Variants in OR9G4 observed in about 807,000 individuals in gnomAD.
OR9G4 encodes olfactory receptor family 9 subfamily G member 4.
A neutral mutation model predicts 16.7 loss-of-function variants in OR9G4; 19 were observed. That is an observed-to-expected ratio of 1.14 (90% CI 0.79 to 1.67). The LOEUF is 1.67. Ranked by LOEUF, OR9G4 falls within the 40% of genes most tolerant of loss-of-function variation. The probability of loss-of-function intolerance (pLI) is 0.00; values close to 1 mark genes in which losing one functional copy is unlikely to be tolerated. For synonymous variants in OR9G4, 182 were observed against 146.2 expected, an observed-to-expected ratio of 1.24 and a Z score of -1.76; for missense variants, 428 against 370.4, an observed-to-expected ratio of 1.16 and a Z score of -1.28.
chr11:56,745,986 T>C (rs1252923760), intron 1 of OR9G4, among the ~76,000 whole-genome samples: 1 of 151,958 alleles, frequency 6.6e-6, no homozygotes, highest in Non-Finnish European at 1.5e-5. Context: ...ATACACATTC[T>C]TGTGTCCTTA....
At chr11:56,745,527 C>A (rs1858393734) in intron 1 of OR9G4, among the ~76,000 whole-genome samples, 1 of 152,106 alleles carries the variant, frequency 6.6e-6, no homozygotes, top group Non-Finnish European at 1.5e-5. Flanking sequence ...CACCTGTAAT[C>A]CCAGCACTTT....
chr11:56,746,193 T>C (rs2135061967), intron 1 of OR9G4, among the ~76,000 whole-genome samples: 1 of 145,054 alleles, frequency 6.9e-6, no homozygotes, highest in African/African-American at 2.6e-5. Context: ...CTTGGGAGGC[T>C]GAGGCAGGAG....
chr11:56,747,858 T>C (rs1283555402), intron 1 of OR9G4, among the ~76,000 whole-genome samples: 1 of 152,072 alleles, frequency 6.6e-6, no homozygotes. Flanking sequence ...GTATTTTTAG[T>C]AAAGACAGGG....
chr11:56,746,659 A>C (rs903481307), intron 1 of OR9G4, among the ~76,000 whole-genome samples: 5 of 152,202 alleles, frequency 3.3e-5, no homozygotes, highest in African/African-American at 1.2e-4. Flanking sequence ...TTGAATTCCT[A>C]ATCTGCAGTT....
intron 1 of OR9G4, among the ~76,000 whole-genome samples, chr11:56,747,446 C>T (rs925062500): frequency 2.0e-5 from 3 of 152,098 alleles, no homozygotes; most frequent in African/African-American, 4.8e-5. Flanking sequence ...GTGTTATCCC[C>T]CTCATCTATT....
In OR9G4 at chr11:56,743,105, ATGT is replaced by A; in HGVS notation, c.659_661del (p.Asn220del). ...GTGGATTCTCAGGATAGCCAGGAGG[ATGT>A]TGACATAGGAAATCAGGATAGCAAG... On this transcript the variant is annotated inframe_deletion, in exon 2 of 2. Coordinates refer to ENST00000641668, the MANE Select transcript of OR9G4 (RefSeq NM_001005284.2). 1 of 1,614,132 alleles carries A rather than the reference ATGT, an allele frequency of 6.2e-7. No homozygotes were observed.
Position 56,743,164 on chromosome 11 carries a change from A to C in OR9G4, c.603T>G (p.Gly201=), listed in dbSNP as rs761586922. The C allele has an allele frequency of 6.2e-7, 1 of 1,614,132 alleles. No homozygotes were observed. The highest frequency in any genetic ancestry group is 1.1e-5 in the South Asian group (1 of 91,074). ...TGGAGAGTACTGTGAAGCCCACCAC[A>C]CCAAGCAGGACTTTTTCGTAGACCC... is the stretch of plus-strand genomic sequence containing the variant. The part of the protein sequence containing the change: ...NTRVYEKVLL[G]VVGFTVLSSI... Residue 201 remains glycine (G), a synonymous_variant, in exon 2 of 2, where the codon GGT becomes GGG. Transcript: ENST00000641668.
chr11:56,744,898 C>G (rs923003492), intron 1 of OR9G4, among the ~76,000 whole-genome samples: 3 of 152,082 alleles, frequency 2.0e-5, no homozygotes, highest in Non-Finnish European at 4.4e-5. Flanking sequence ...ATGAGCACGC[C>G]CAGGTGAGAA....
chr11:56,746,150 G>T (rs968651551), intron 1 of OR9G4, among the ~76,000 whole-genome samples: 1 of 150,942 alleles, frequency 6.6e-6, no homozygotes, highest in African/African-American at 2.4e-5. Context: ...AAAATTAGCC[G>T]GGCGTAGTGG....
Position 56,748,100 on chromosome 11 carries a change from C to T in OR9G4, c.-23+556G>A, listed in dbSNP as rs76957622. ...GTAAATAAAAGAGAAGTCTCACTTC[C>T]GAGACCTAATTTGAAACAAGTTACC... On this transcript the variant is annotated intron_variant, in intron 1 of 1. Coordinates refer to ENST00000641668, the MANE Select transcript of OR9G4 (RefSeq NM_001005284.2). Among the ~76,000 whole-genome samples, 186 of 152,246 alleles carry T rather than the reference C, an allele frequency of 1.2e-3. 2 individuals carry two copies. The East Asian group carries it at 0.033, about 27-fold the overall frequency.
At position 56,743,795 on chromosome 11, in the gene OR9G4, T is replaced by C. The variant is rs781729884; in HGVS notation, c.-22-7A>G. ...CACGGAGGTGAAAGCCTGACTATCA[T>C]GAGAAGGGAAAATCATCACTTAGTG... On this transcript the variant is annotated splice_region_variant and splice_polypyrimidine_tract_variant and intron_variant, in intron 1 of 1. Transcript: ENST00000641668. The C allele has an allele frequency of 3.7e-6, 6 of 1,610,552 alleles. No homozygotes were observed. Among genetic ancestry groups the C allele is most frequent in the Non-Finnish European group, 5.1e-6 (6 of 1,178,522 alleles).
Position 56,743,724 on chromosome 11 carries a change from A to T in OR9G4, c.43T>A (p.Leu15Met). 1 of 1,614,120 alleles carries T rather than the reference A, an allele frequency of 6.2e-7. No individual in the cohort carries two copies. Among genetic ancestry groups the T allele is most frequent in the Non-Finnish European group, 8.5e-7 (1 of 1,179,950 alleles). Residue 15 changes from leucine to methionine, a missense_variant, in exon 2 of 2, where the codon TTG (leucine) becomes ATG (methionine). Coordinates refer to ENST00000641668, the MANE Select transcript of OR9G4 (RefSeq NM_001005284.2). ...NCTILTEFIL[L>M]GFSADSQWQP... ...CACTGGGAATCTGCTGAGAAACCCA[A>T]CAAGATGAATTCAGTCAGGATGGTG...
In OR9G4 at chr11:56,742,848, T is replaced by C; in HGVS notation, c.919A>G (p.Thr307Ala). 1 of 1,613,850 alleles carries C rather than the reference T, an allele frequency of 6.2e-7. No individual in the cohort carries two copies. The highest frequency in any genetic ancestry group is 8.5e-7 in the Non-Finnish European group (1 of 1,179,806). ...AACCTTCATGTTTGTGGTTGTATAG[T>C]CTGTGTTGCTTTCCTGAAGGCCTCT... The part of the protein sequence containing the change: ...IKEAFRKATQ[T>A]IQPQT Residue 307 changes from threonine to alanine, a missense_variant, in exon 2 of 2, where the codon ACT becomes GCT. By Grantham distance (58) the Thr-to-Ala change is moderately conservative (BLOSUM62 0). Transcript: ENST00000641668.
In OR9G4 at chr11:56,743,635, G is replaced by A; in HGVS notation, c.132C>T (p.Thr44=). ...LYLITLSGNM[T]LVILIRTDSH... ...AATCAGTTCGGATTAAGATAACCAA[G>A]GTCATGTTTCCTGACAAGGTTATCA... The change falls in exon 2 of 2, where the codon ACC becomes ACT. Residue 44 remains threonine, a synonymous_variant. Transcript: ENST00000641668. 1.9e-6 allele frequency: 3 copies of A among 1,613,966 alleles called. No homozygotes were observed. The highest frequency in any genetic ancestry group is 1.6e-4 in the Middle Eastern group (1 of 6,062).
chr11:56,746,165 C>T (rs1185037874), intron 1 of OR9G4, among the ~76,000 whole-genome samples: 6 of 149,740 alleles, frequency 4.0e-5, no homozygotes, highest in African/African-American at 1.2e-4. Flanking sequence ...TAGTGGCGGG[C>T]GCCTGTAGTC....
intron 1 of OR9G4, among the ~76,000 whole-genome samples, chr11:56,747,398 G>A (rs12795648): frequency 0.23 from 34,944 of 151,538 alleles, 4,132 homozygotes; most frequent in Middle Eastern, 0.3. Context: ...CTTTCCTTCC[G>A]ACAATCTTCA....
chr11:56,743,233 G>C lies in OR9G4; in HGVS notation c.534C>G (p.Phe178Leu). The change falls in exon 2 of 2, where the codon TTC (phenylalanine) becomes TTG (leucine). Residue 178 changes from phenylalanine (F) to leucine (L), a missense_variant. By Grantham distance (22) the Phe-to-Leu change is conservative. Coordinates refer to ENST00000641668, the MANE Select transcript of OR9G4 (RefSeq NM_001005284.2). ...TTTTTACCAATGGTGGTGCATCACA[G>C]AAAAAGTGGTCAATGATATTTTTAC... Reference protein sequence around the residue: ...FCGKNIIDHFFCDAPPLVKMS... With the variant: ...FCGKNIIDHFLCDAPPLVKMS... 1 of 1,614,144 alleles carries C rather than the reference G, an allele frequency of 6.2e-7. No homozygotes were observed. The highest frequency in any genetic ancestry group is 8.5e-7 in the Non-Finnish European group (1 of 1,179,996).
rs530108072 is a variant in OR9G4 at position 56,744,371 on chromosome 11, C to T, written c.-22-583G>A. On this transcript the variant is annotated intron_variant, in intron 1 of 1. Coordinates refer to ENST00000641668, the MANE Select transcript of OR9G4 (RefSeq NM_001005284.2). The stretch of plus-strand genomic sequence containing the variant: ...ACCTGGCCGACTAGTAACTTCTTGA[C>T]AGACTGTCTGATTGAATAAATAAAA... Among the ~76,000 whole-genome samples the T allele has an allele frequency of 4.6e-5, 7 of 152,292 alleles. No homozygotes were observed. In the East Asian group the frequency reaches 1.4e-3, roughly 29 times the overall value.
In OR9G4 at chr11:56,743,239, G is replaced by A. The variant is rs773729880; in HGVS notation, c.528C>T (p.His176=). 2 of 1,614,020 alleles carry A rather than the reference G, an allele frequency of 1.2e-6. No individual in the cohort carries two copies. The highest frequency in any genetic ancestry group is 1.7e-6 in the Non-Finnish European group (2 of 1,180,008). The change falls in exon 2 of 2, where the codon CAC becomes CAT. Residue 176 remains histidine (H), a synonymous_variant. Coordinates refer to ENST00000641668, the MANE Select transcript of OR9G4 (RefSeq NM_001005284.2). ...LHFCGKNIID[H]FFCDAPPLVK... is the part of the protein sequence containing the mutation. The stretch of plus-strand genomic sequence containing the variant: ...CCAATGGTGGTGCATCACAGAAAAA[G>A]TGGTCAATGATATTTTTACCACAAA...
Sources: gnomAD v4.1 joint callset for allele counts (sites outside exome capture counted in the v4.1 genomes callset) on GRCh38, gnomAD v4.1.1 for gene constraint, MANE v1.5 for transcripts, NCBI Gene and HGNC (gene_info 2026-07-23, HGNC 2026-07-21) for gene names.